UTRN: variants seen among roughly 807,000 people sequenced by gnomAD.
The protein encoded by UTRN is dystrophin-related protein 1.
UTRN carries 283 observed loss-of-function variants against 463.9 expected under a neutral mutation model. That is an observed-to-expected ratio of 0.61 (90% CI 0.55 to 0.67). The LOEUF is 0.67. Among genes scored for constraint, UTRN ranks in the 30% least tolerant of loss-of-function variants. UTRN has a pLI of 0.00. For synonymous variants in UTRN, 1,442 were observed against 1,431.5 expected (o/e 1.01, Z -0.17); for missense variants, 3,922 against 4,084.3 (o/e 0.96, Z 1.08).
intron 4 of UTRN, 32 bp from the exon 5 acceptor site, chr6:144,423,517 A>G: frequency 6.2e-7 from 1 of 1,605,898 alleles, no homozygotes; most frequent in Non-Finnish European, 8.5e-7. Flanking sequence ...AGGGACAATC[A>G]GTTTTACTTG....
At chr6:144,371,700 G>A (rs1325471877) in intron 2 of UTRN, among the ~76,000 whole-genome samples, 3 of 152,222 alleles carry the variant, frequency 2.0e-5, no homozygotes, top group African/African-American at 4.8e-5. Context: ...GAGCCACTGC[G>A]CCTGGCCGCA....
At chr6:144,778,062 G>A (rs1180835303) in intron 60 of UTRN, among the ~76,000 whole-genome samples, 2 of 152,136 alleles carry the variant, frequency 1.3e-5, no homozygotes, top group East Asian at 3.8e-4. Flanking sequence ...GGCATTTTCT[G>A]TATTGTGGGA....
At chr6:144,835,429 CTT>C (rs1012414286) in intron 69 of UTRN, among the ~76,000 whole-genome samples, 9 of 152,174 alleles carry the variant, frequency 5.9e-5, no homozygotes, top group Admixed American at 1.3e-4. Flanking sequence ...ATTCAGTAGT[CTT>C]TTAATCAACT....
intron 62 of UTRN, among the ~76,000 whole-genome samples, chr6:144,793,130 T>C (rs1455155845): frequency 6.6e-6 from 1 of 152,114 alleles, no homozygotes; most frequent in Non-Finnish European, 1.5e-5. Flanking sequence ...TTATATAAAA[T>C]AGATGTGAGT....
chr6:144,433,600 G>A (rs1786169019), intron 9 of UTRN, among the ~76,000 whole-genome samples: 1 of 151,032 alleles, frequency 6.6e-6, no homozygotes, highest in African/African-American at 2.4e-5. Context: ...GCGGTTGCCA[G>A]GCAGAGGGTC....
At chr6:144,478,983 C>G (rs1791545601) in intron 25 of UTRN, among the ~76,000 whole-genome samples, 1 of 152,090 alleles carries the variant, frequency 6.6e-6, no homozygotes, top group African/African-American at 2.4e-5. Flanking sequence ...GACATCAAAA[C>G]CAAAATTTTA....
chr6:144,374,997 A>G (rs1780333345), intron 2 of UTRN, among the ~76,000 whole-genome samples: 1 of 151,898 alleles, frequency 6.6e-6, no homozygotes, highest in South Asian at 2.1e-4. Context: ...AAAATACTGG[A>G]ATTCCTCAAT....
chr6:144,452,083 A>G lies in UTRN; in HGVS notation c.2196+590A>G, dbSNP rs77845277. Among the ~76,000 whole-genome samples the G allele has an allele frequency of 4.4e-3, 669 of 152,314 alleles. 21 individuals are homozygous for G. In the East Asian group the frequency reaches 0.07, roughly 16 times the overall value. ...ATTTGGGCACCTGGGTAGAGAATCT[A>G]TAGTCTAGTCTCCTGCCATCTTAAG... On this transcript the variant is annotated intron_variant, in intron 18 of 74. Transcript: ENST00000367545.
chr6:144,485,740 T>G (rs978921980), intron 28 of UTRN, among the ~76,000 whole-genome samples: 9 of 152,242 alleles, frequency 5.9e-5, no homozygotes, highest in African/African-American at 2.2e-4. Flanking sequence ...GGTTAGCTGT[T>G]TGACATCTTA....
At chr6:144,603,589 T>C (rs1195267359) in intron 51 of UTRN, among the ~76,000 whole-genome samples, 1 of 152,220 alleles carries the variant, frequency 6.6e-6, no homozygotes, top group African/African-American at 2.4e-5. Flanking sequence ...TAACATCTCT[T>C]TGATGTTAAG....
At chr6:144,796,507 A>G (rs1465850512) in intron 63 of UTRN, among the ~76,000 whole-genome samples, 2 of 152,216 alleles carry the variant, frequency 1.3e-5, no homozygotes, top group Non-Finnish European at 2.9e-5. Context: ...TAAAATATAT[A>G]TACATTAAAG....
At chr6:144,747,791 C>A (rs972585390) in intron 54 of UTRN, among the ~76,000 whole-genome samples, 9 of 152,116 alleles carry the variant, frequency 5.9e-5, no homozygotes, top group Non-Finnish European at 1.0e-4. Context: ...TTTAGGAACA[C>A]AATACATTAA....
At chr6:144,740,705 C>T (rs911270677) in intron 54 of UTRN, among the ~76,000 whole-genome samples, 6 of 152,230 alleles carry the variant, frequency 3.9e-5, no homozygotes, top group South Asian at 2.1e-4. Flanking sequence ...TAAAATACAA[C>T]GAGCCAGCTG....
chr6:144,770,694 A>G (rs761766317), intron 58 of UTRN, among the ~76,000 whole-genome samples: 18 of 152,222 alleles, frequency 1.2e-4, no homozygotes, highest in Non-Finnish European at 2.2e-4. Context: ...TAACATATGA[A>G]TTAGTTTTGA....
At chr6:144,567,978 TA>T (rs1800569239) in intron 50 of UTRN, among the ~76,000 whole-genome samples, 1 of 152,192 alleles carries the variant, frequency 6.6e-6, no homozygotes, top group Non-Finnish European at 1.5e-5. Context: ...AATAACATTT[TA>T]AAAAGGCAAG....
At chr6:144,823,258 T>C (rs1193262394) in intron 66 of UTRN, among the ~76,000 whole-genome samples, 1 of 152,152 alleles carries the variant, frequency 6.6e-6, no homozygotes, top group South Asian at 2.1e-4. Flanking sequence ...ATTTATGAAC[T>C]ACTAGATATA....
chr6:144,398,057 T>C (rs947059313), intron 2 of UTRN: 1 of 239,122 alleles, frequency 4.2e-6, no homozygotes, highest in Non-Finnish European at 9.0e-6. Flanking sequence ...CATTTGTATT[T>C]CAATATGGCG....
intron 51 of UTRN, among the ~76,000 whole-genome samples, chr6:144,667,744 TTTCACTGAGAATTTCTA>T (rs1780574827): frequency 6.6e-6 from 1 of 152,206 alleles, no homozygotes; most frequent in Admixed American, 6.5e-5. Context: ...TTTTTCTTTT[TTTCACTGAGAATTTCTA>T]TTTGGCACAT....
intron 34 of UTRN, among the ~76,000 whole-genome samples, chr6:144,502,562 A>G (rs1052532394): frequency 4.6e-5 from 7 of 152,156 alleles, no homozygotes; most frequent in Non-Finnish European, 4.4e-5. Context: ...TTCCAACTTC[A>G]TCCGGGTCCC....
Sources: allele counts gnomAD v4.1 joint callset (sites outside exome capture counted in the v4.1 genomes callset), GRCh38; gene constraint gnomAD v4.1.1; transcripts MANE v1.5; gene names NCBI Gene and HGNC (gene_info 2026-07-23, HGNC 2026-07-21).